DLGAP1: variants seen among roughly 807,000 people sequenced by gnomAD.
The protein encoded by DLGAP1 is disks large-associated protein 1.
Under a neutral mutation model 90.8 loss-of-function variants are expected in DLGAP1, and 11 were observed. That is an observed-to-expected ratio of 0.12 (90% CI 0.08 to 0.20). DLGAP1 has a LOEUF of 0.20. Among genes scored for constraint, DLGAP1 ranks in the 10% least tolerant of loss-of-function variants. The pLI, the probability that DLGAP1 is intolerant of heterozygous loss-of-function variation, is 1.00. For missense variants in DLGAP1, 1,050 were observed against 1,333.8 expected, an observed-to-expected ratio of 0.79 and a Z score of 3.31; for synonymous variants, 558 against 540.7, an observed-to-expected ratio of 1.03 and a Z score of -0.44.
At chr18:4,242,039 A>G (rs1171678454) in intron 1 of DLGAP1, among the ~76,000 whole-genome samples, 1 of 152,114 alleles carries the variant, frequency 6.6e-6, no homozygotes, top group Non-Finnish European at 1.5e-5. Context: ...ATGATACATT[A>G]TTTTGCTTCC....
At chr18:4,422,842 T>C (rs2083070804) in intron 1 of DLGAP1, among the ~76,000 whole-genome samples, 1 of 152,088 alleles carries the variant, frequency 6.6e-6, no homozygotes, top group South Asian at 2.1e-4. Flanking sequence ...GTATACTCTA[T>C]GAGCCATTTA....
At chr18:3,965,745 C>T (rs1470379734) in intron 3 of DLGAP1, among the ~76,000 whole-genome samples, 1 of 151,722 alleles carries the variant, frequency 6.6e-6, no homozygotes, top group African/African-American at 2.4e-5. Context: ...GTCAGGAGTT[C>T]GAGACAAGCC....
At chr18:4,147,612 TCC>T (rs1568420928) in intron 2 of DLGAP1, among the ~76,000 whole-genome samples, 2 of 151,532 alleles carry the variant, frequency 1.3e-5, no homozygotes, top group African/African-American at 4.8e-5. Flanking sequence ...CATCCATCCA[TCC>T]ATCCATCCAT....
chr18:3,607,721 A>G (rs930380743), intron 7 of DLGAP1: 2 of 152,032 alleles, frequency 1.3e-5, no homozygotes, highest in African/African-American at 4.8e-5. Context: ...AGTGGCAAAC[A>G]TGGTTGTTTG....
intron 7 of DLGAP1, among the ~76,000 whole-genome samples, chr18:3,602,040 A>T (rs1347891607): frequency 2.6e-5 from 4 of 151,676 alleles, no homozygotes; most frequent in African/African-American, 9.7e-5. Flanking sequence ...AATAAAACAT[A>T]TGATTTACCT....
At chr18:4,306,711 G>C (rs967454015) in intron 1 of DLGAP1, among the ~76,000 whole-genome samples, 1 of 152,106 alleles carries the variant, frequency 6.6e-6, no homozygotes, top group African/African-American at 2.4e-5. Context: ...TCAGTTAACT[G>C]ACATTCTCTT....
intron 1 of DLGAP1, among the ~76,000 whole-genome samples, chr18:4,451,205 G>A (rs1167506325): frequency 6.6e-6 from 1 of 152,160 alleles, no homozygotes; most frequent in African/African-American, 2.4e-5. Context: ...CACGGCTCCT[G>A]TGCAATACCA....
At chr18:3,978,957 A>G (rs2073662452) in intron 3 of DLGAP1, among the ~76,000 whole-genome samples, 1 of 152,156 alleles carries the variant, frequency 6.6e-6, no homozygotes, top group Admixed American at 6.5e-5. Flanking sequence ...TGGTGAAATG[A>G]CCACATTGAG....
intron 1 of DLGAP1, among the ~76,000 whole-genome samples, chr18:4,387,633 A>C (rs2144384379): frequency 6.6e-6 from 1 of 152,322 alleles, no homozygotes; most frequent in Middle Eastern, 3.4e-3. Context: ...ATACAGCAGA[A>C]GGGAAGAATG....
rs978125704 is a variant in DLGAP1, at chr18:3,936,006, C to T, written c.-72-55866G>A. ...TTGATGGCACCAAGAAAAGACTTAA[C>T]CAGCCCACAATACAGAGTACTCTCT... On this transcript the variant is annotated intron_variant, in intron 3 of 12. Transcript: ENST00000315677. Among the ~76,000 whole-genome samples, 4 of 152,170 alleles carry T rather than the reference C, an allele frequency of 2.6e-5. No individual in the cohort carries two copies. In the East Asian group the frequency reaches 7.7e-4, roughly 29 times the overall value.
At chr18:4,004,909 T>G (rs894845845) in intron 3 of DLGAP1, 14 of 18,178 alleles carry the variant, frequency 7.7e-4, no homozygotes, top group South Asian at 5.1e-3. Context: ...GAGGGAAGGG[T>G]GTGTGTGTGT....
chr18:4,306,457 GTGTGTGAGA>G (rs1342421495), intron 1 of DLGAP1, among the ~76,000 whole-genome samples: 1 of 54,996 alleles, frequency 1.8e-5, no homozygotes, highest in Non-Finnish European at 3.6e-5. Context: ...GTGTGTGTGT[GTGTGTGAGA>G]GAGAGAGAGA....
chr18:3,746,423 C>T lies in DLGAP1; in HGVS notation c.1173-3911G>A, dbSNP rs143085500. 1.1e-4 allele frequency among the ~76,000 whole-genome samples: 16 copies of T among 152,088 alleles called. No individual in the cohort carries two copies. In the East Asian group the frequency reaches 2.3e-3, roughly 22 times the overall value. On this transcript the variant is annotated intron_variant, in intron 5 of 12. Transcript: ENST00000315677. ...TGGTAGAGAAAGACTTTAGAAGCAT[C>T]GTGGTAAACTTAGATGCCATAAAGA...
At position 3,575,361 on chromosome 18, in the gene DLGAP1, T is replaced by G. The variant is rs145109051; in HGVS notation, c.1965+6514A>C. ...ATAGAGAAAGCCATTGCATTTCATA[T>G]AATGTGAAGATTAAGCTGTTCTTTT... On this transcript the variant is annotated intron_variant, in intron 8 of 12. Coordinates refer to ENST00000315677, the MANE Select transcript of DLGAP1 (RefSeq NM_004746.4). Among the ~76,000 whole-genome samples, 588 of 152,342 alleles carry G rather than the reference T, an allele frequency of 3.9e-3. 1 individual carries two copies. Among genetic ancestry groups the G allele is most frequent in the African/African-American group, 0.014 (564 of 41,576 alleles).
In DLGAP1 at chr18:4,151,754, A is replaced by G. The variant is rs555506329; in HGVS notation, c.-266-467T>C. Reference sequence around the variant, plus strand: ...GTTCTTTTCATTCTGGAAAAAAGCCACAGGAGGATGCCATTCATGGCATAA... The same window carrying G: ...GTTCTTTTCATTCTGGAAAAAAGCCGCAGGAGGATGCCATTCATGGCATAA... On this transcript the variant is annotated intron_variant, in intron 1 of 12. Transcript: ENST00000315677. Among the ~76,000 whole-genome samples, 29 of 152,316 alleles carry G rather than the reference A, an allele frequency of 1.9e-4. No individual in the cohort carries two copies. The East Asian group carries it at 5.6e-3, about 29-fold the overall frequency.
chr18:3,993,293 TA>T (rs1298812359), intron 3 of DLGAP1: 8 of 152,024 alleles, frequency 5.3e-5, no homozygotes, highest in Non-Finnish European at 1.2e-4. Context: ...AGAGGACTCT[TA>T]GAAAAAAGAA....
At chr18:4,364,431 T>C (rs2081711206) in intron 1 of DLGAP1, among the ~76,000 whole-genome samples, 1 of 151,920 alleles carries the variant, frequency 6.6e-6, no homozygotes, top group African/African-American at 2.4e-5. Context: ...AAAAAAAAGA[T>C]TTTTAAAGAT....
intron 2 of DLGAP1, among the ~76,000 whole-genome samples, chr18:4,144,954 T>C (rs533635829): frequency 1.3e-5 from 2 of 152,326 alleles, no homozygotes; most frequent in South Asian, 4.1e-4. Flanking sequence ...ATAAACTCTA[T>C]TATACTCTTA....
chr18:3,991,539 G>A (rs2073968455), intron 3 of DLGAP1, among the ~76,000 whole-genome samples: 1 of 152,330 alleles, frequency 6.6e-6, no homozygotes, highest in East Asian at 1.9e-4. Context: ...GTGCCTGGAT[G>A]ACCCAGATTT....
Sources: allele counts gnomAD v4.1 joint callset (sites outside exome capture counted in the v4.1 genomes callset), GRCh38; gene constraint gnomAD v4.1.1; transcripts MANE v1.5; gene names NCBI Gene and HGNC (gene_info 2026-07-23, HGNC 2026-07-21).